CNTN4: variants seen among roughly 807,000 people sequenced by gnomAD.
CNTN4 encodes contactin 4, also known as contactin-4.
A neutral mutation model predicts 122.5 loss-of-function variants in CNTN4; 77 were observed. The observed-to-expected ratio is 0.63, with a 90% CI of 0.52 to 0.76. CNTN4 has a LOEUF of 0.76. Among genes scored for constraint, CNTN4 ranks in the 30% least tolerant of loss-of-function variants. The pLI is 0.00. For missense variants in CNTN4, 1,256 were observed against 1,259.1 expected, an observed-to-expected ratio of 1.00 and a Z score of 0.04; for synonymous variants, 512 against 447.0, an observed-to-expected ratio of 1.15 and a Z score of -1.83.
At chr3:2,748,184 C>G (rs544298445) in intron 6 of CNTN4, among the ~76,000 whole-genome samples, 4 of 152,242 alleles carry the variant, frequency 2.6e-5, no homozygotes, top group African/African-American at 9.6e-5. Context: ...ATGAAGCTGA[C>G]AATAATATTT....
At chr3:2,662,500 G>A (rs751693974) in intron 4 of CNTN4, among the ~76,000 whole-genome samples, 11 of 152,162 alleles carry the variant, frequency 7.2e-5, no homozygotes, top group Non-Finnish European at 1.6e-4. Context: ...GGCCTGAGAG[G>A]ATACATTTCT....
intron 4 of CNTN4, among the ~76,000 whole-genome samples, chr3:2,628,920 C>A (rs1345708270): frequency 6.6e-6 from 1 of 151,964 alleles, no homozygotes; most frequent in Non-Finnish European, 1.5e-5. Flanking sequence ...GAAAAGCTTC[C>A]CCAGTTGTGT....
At chr3:2,951,039 T>C (rs1215456852) in intron 13 of CNTN4, among the ~76,000 whole-genome samples, 1 of 152,246 alleles carries the variant, frequency 6.6e-6, no homozygotes, top group East Asian at 1.9e-4. Context: ...ATTCCCCATC[T>C]GTTCAATGGT....
chr3:2,928,433 G>A (rs2094492708), intron 13 of CNTN4, among the ~76,000 whole-genome samples: 1 of 152,278 alleles, frequency 6.6e-6, no homozygotes, highest in Non-Finnish European at 1.5e-5. Flanking sequence ...AGCAATTGTA[G>A]ATGAAACTGA....
chr3:2,317,193 C>T (rs541099424), intron 2 of CNTN4, among the ~76,000 whole-genome samples: 3 of 152,282 alleles, frequency 2.0e-5, no homozygotes, highest in African/African-American at 4.8e-5. Context: ...ATTAGCGTTG[C>T]CCGCTGAATC....
At chr3:2,689,012 G>A (rs1559389630) in intron 4 of CNTN4, among the ~76,000 whole-genome samples, 3 of 152,294 alleles carry the variant, frequency 2.0e-5, no homozygotes, top group East Asian at 3.9e-4. Context: ...ATCCACAGTT[G>A]AGACTGGAAT....
At chr3:2,393,786 A>G (rs144610706) in intron 3 of CNTN4, among the ~76,000 whole-genome samples, 195 of 152,262 alleles carry the variant, frequency 1.3e-3, no homozygotes, top group African/African-American at 4.5e-3. Context: ...TAAGTCCACT[A>G]TGCTCTTCAA....
chr3:2,217,168 C>G (rs1484899138), intron 2 of CNTN4, among the ~76,000 whole-genome samples: 1 of 152,120 alleles, frequency 6.6e-6, no homozygotes, highest in Non-Finnish European at 1.5e-5. Context: ...ATTGATGCTC[C>G]TGGGCTTTTC....
At chr3:2,524,921 A>G (rs2077348220) in intron 3 of CNTN4, among the ~76,000 whole-genome samples, 1 of 152,180 alleles carries the variant, frequency 6.6e-6, no homozygotes, top group African/African-American at 2.4e-5. Flanking sequence ...TTGAATGGCA[A>G]CATAGAACAC....
intron 4 of CNTN4, among the ~76,000 whole-genome samples, chr3:2,719,206 T>G (rs980950): frequency 0.056 from 8,592 of 152,222 alleles, 602 homozygotes; most frequent in African/African-American, 0.17. Flanking sequence ...TTTGTTGAAT[T>G]AGTCAATGAA....
chr3:2,732,405 A>G (rs2088762787), intron 4 of CNTN4, among the ~76,000 whole-genome samples: 1 of 152,094 alleles, frequency 6.6e-6, no homozygotes. Flanking sequence ...GCATTGTATT[A>G]TTAAATCTTG....
intron 3 of CNTN4, among the ~76,000 whole-genome samples, chr3:2,513,135 C>T (rs1353267473): frequency 3.3e-5 from 5 of 152,126 alleles, no homozygotes; most frequent in Non-Finnish European, 1.5e-5. Context: ...GTAATCAGTT[C>T]TCTGGAAAAA....
intron 4 of CNTN4, among the ~76,000 whole-genome samples, chr3:2,634,013 T>A (rs914976842): frequency 6.6e-6 from 1 of 152,182 alleles, no homozygotes; most frequent in African/African-American, 2.4e-5. Flanking sequence ...CAAGAACAGA[T>A]AAACATAGTG....
intron 6 of CNTN4, among the ~76,000 whole-genome samples, chr3:2,760,668 G>A (rs758395830): frequency 9.9e-5 from 15 of 152,190 alleles, no homozygotes; most frequent in Non-Finnish European, 1.9e-4. Context: ...CACATCGCAT[G>A]AGCTATGGAC....
At chr3:2,619,991 A>G (rs12487730) in intron 4 of CNTN4, among the ~76,000 whole-genome samples, 71,468 of 142,058 alleles carry the variant, frequency 0.5, 17,417 homozygotes, top group Middle Eastern at 0.58. Context: ...ATAAATGAAA[A>G]TATCTCTTCA....
At chr3:2,349,414 G>A (rs4684343) in intron 3 of CNTN4, among the ~76,000 whole-genome samples, 63,227 of 151,864 alleles carry the variant, frequency 0.42, 13,926 homozygotes, top group East Asian at 0.8. Flanking sequence ...CTAATTGCAC[G>A]TGAAATGAAG....
chr3:2,304,248 C>A (rs1338934998), intron 2 of CNTN4, among the ~76,000 whole-genome samples: 1 of 152,066 alleles, frequency 6.6e-6, no homozygotes. Flanking sequence ...TCCTTCATAT[C>A]AAATTAAATT....
At chr3:2,144,401 T>C (rs960627837) in intron 2 of CNTN4, among the ~76,000 whole-genome samples, 9 of 152,366 alleles carry the variant, frequency 5.9e-5, no homozygotes, top group African/African-American at 2.2e-4. Context: ...TTTTAGACTT[T>C]GTTGGTTCTA....
intron 2 of CNTN4, among the ~76,000 whole-genome samples, chr3:2,233,057 GCAGT>G (rs1339223398): frequency 1.3e-5 from 2 of 152,124 alleles, no homozygotes; most frequent in Non-Finnish European, 2.9e-5. Context: ...CCTGTTAAGA[GCAGT>G]CAAACTATTC....
Sources: gnomAD v4.1 joint callset for allele counts (sites outside exome capture counted in the v4.1 genomes callset) on GRCh38, gnomAD v4.1.1 for gene constraint, MANE v1.5 for transcripts, NCBI Gene and HGNC (gene_info 2026-07-23, HGNC 2026-07-21) for gene names.